GRM7: variants seen among roughly 807,000 people sequenced by gnomAD.
GRM7 encodes the protein metabotropic glutamate receptor 7.
A neutral mutation model predicts 84.5 loss-of-function variants in GRM7; 35 were observed. The observed-to-expected ratio is 0.41, with a 90% CI of 0.32 to 0.55. The LOEUF (loss-of-function observed/expected upper bound fraction) is 0.55. GRM7 is among the 20% of genes least tolerant of loss of function. The pLI, the probability that GRM7 is intolerant of heterozygous loss-of-function variation, is 0.19. For missense variants in GRM7, 1,003 were observed against 1,194.6 expected (o/e 0.84, Z 2.36); for synonymous variants, 487 against 455.1 (o/e 1.07, Z -0.89).
chr3:6,965,112 C>T (rs1693464183), intron 1 of GRM7, among the ~76,000 whole-genome samples: 2 of 151,912 alleles, frequency 1.3e-5, no homozygotes, highest in Admixed American at 1.3e-4. Context: ...CTCTGGTACT[C>T]AGAAATAAAT....
chr3:7,640,046 C>A (rs1698293530), intron 8 of GRM7, among the ~76,000 whole-genome samples: 2 of 152,140 alleles, frequency 1.3e-5, no homozygotes, highest in African/African-American at 4.8e-5. Flanking sequence ...TCCTGAAATG[C>A]TTTGTTTCCA....
At position 7,298,701 on chromosome 3, in the gene GRM7, C is replaced by T. The variant is rs1454095229; in HGVS notation, c.754C>T (p.Gln252Ter). Residue 252 changes from glutamine (Q) to a stop codon, truncating the protein, a stop_gained, in exon 3 of 10, where the codon CAG becomes TAG. Coordinates refer to ENST00000357716, the MANE Select transcript of GRM7 (RefSeq NM_000844.4). LOFTEE classifies it high-confidence loss of function. ...SKEAGGLCIAQSVRIPQERKD... is the reference protein window; with the variant it reads ...SKEAGGLCIA ...TTAAACAGGTGGACTCTGCATTGCC[C>T]AGTCCGTGAGAATCCCCCAGGAACG... is the stretch of plus-strand genomic sequence containing the variant. 6.2e-7 allele frequency: 1 copy of T among 1,613,252 alleles called. No homozygotes were observed. Among genetic ancestry groups the T allele is most frequent in the African/African-American group, 1.3e-5 (1 of 75,016 alleles).
chr3:7,259,862 G>A (rs186894990), intron 2 of GRM7, among the ~76,000 whole-genome samples: 1 of 150,790 alleles, frequency 6.6e-6, no homozygotes, highest in African/African-American at 2.4e-5. Context: ...TGGAGGAATC[G>A]CCACACTGCG....
chr3:7,590,981 A>C (rs1695756136), intron 8 of GRM7, among the ~76,000 whole-genome samples: 1 of 152,172 alleles, frequency 6.6e-6, no homozygotes, highest in African/African-American at 2.4e-5. Flanking sequence ...GGTACCTAGT[A>C]AGTGCTCAAT....
At chr3:7,224,259 A>T (rs1353961757) in intron 2 of GRM7, among the ~76,000 whole-genome samples, 1 of 152,188 alleles carries the variant, frequency 6.6e-6, no homozygotes, top group Non-Finnish European at 1.5e-5. Flanking sequence ...ATATTACATG[A>T]CCAGAGTCAG....
At chr3:7,457,766 G>A (rs1698078388) in intron 6 of GRM7, among the ~76,000 whole-genome samples, 1 of 152,140 alleles carries the variant, frequency 6.6e-6, no homozygotes, top group Non-Finnish European at 1.5e-5. Context: ...CTACCATGCT[G>A]GGAAGAAGCT....
At chr3:6,898,728 A>T (rs1420470370) in intron 1 of GRM7, among the ~76,000 whole-genome samples, 3 of 151,536 alleles carry the variant, frequency 2.0e-5, no homozygotes, top group Admixed American at 2.0e-4. Flanking sequence ...CCTCCCAGCT[A>T]CTCTGGAGGC....
chr3:6,894,003 C>A (rs548932631), intron 1 of GRM7: 1 of 152,108 alleles, frequency 6.6e-6, no homozygotes, highest in Non-Finnish European at 1.5e-5. Context: ...CGGTAAATGT[C>A]AGTCTTGAGT....
intron 1 of GRM7, among the ~76,000 whole-genome samples, chr3:7,004,850 T>C (rs1268744652): frequency 6.6e-6 from 1 of 152,068 alleles, no homozygotes; most frequent in Non-Finnish European, 1.5e-5. Flanking sequence ...CTTGGATGAC[T>C]CCAAAAAAGC....
At chr3:7,408,856 C>G (rs547004998) in intron 4 of GRM7, among the ~76,000 whole-genome samples, 1 of 152,284 alleles carries the variant, frequency 6.6e-6, no homozygotes, top group South Asian at 2.1e-4. Flanking sequence ...GCAGTGCTTC[C>G]TCATATTTCT....
chr3:7,416,014 G>A (rs1387826208), intron 5 of GRM7, among the ~76,000 whole-genome samples: 1 of 152,124 alleles, frequency 6.6e-6, no homozygotes, highest in African/African-American at 2.4e-5. Context: ...TGAAGAAATG[G>A]ACATTGGCTG....
intron 2 of GRM7, among the ~76,000 whole-genome samples, chr3:7,182,342 T>C (rs1395657179): frequency 1.3e-5 from 2 of 152,196 alleles, no homozygotes; most frequent in African/African-American, 4.8e-5. Context: ...GCTCTGTAAT[T>C]AGCTATTTTG....
rs112036006 is a variant in GRM7, at chr3:7,589,389, G to C, written c.2451+10032G>C. ...AATCTTTACTGAGTGGACTGCATAG[G>C]GATAAGTGTTTTATAAGGCCTTGGA... On this transcript the variant is annotated intron_variant, in intron 8 of 9. Transcript: ENST00000357716. Among the ~76,000 whole-genome samples the C allele has an allele frequency of 3.6e-3, 549 of 152,228 alleles. 4 individuals carry two copies. Among genetic ancestry groups the C allele is most frequent in the African/African-American group, 0.012 (508 of 41,536 alleles).
intron 2 of GRM7, among the ~76,000 whole-genome samples, chr3:7,240,603 C>T (rs963848711): frequency 5.9e-5 from 9 of 152,048 alleles, no homozygotes; most frequent in African/African-American, 2.2e-4. Context: ...TATTCATCTC[C>T]CATTTTTAAT....
chr3:7,403,152 C>G, intron 4 of GRM7: 1 of 446,002 alleles, frequency 2.2e-6, no homozygotes, highest in Middle Eastern at 3.3e-4. Context: ...GTTTGTCTGG[C>G]TTTCTTTCTG....
At chr3:7,195,252 G>A (rs901734292) in intron 2 of GRM7, among the ~76,000 whole-genome samples, 2 of 152,076 alleles carry the variant, frequency 1.3e-5, no homozygotes, top group Admixed American at 1.3e-4. Context: ...TCTTGAGAAG[G>A]ATTCTGACTT....
At chr3:7,389,072 TTG>T (rs371905737) in intron 4 of GRM7, among the ~76,000 whole-genome samples, 33 of 152,166 alleles carry the variant, frequency 2.2e-4, no homozygotes, top group African/African-American at 7.9e-4. Flanking sequence ...TTTCAGTGTG[TTG>T]TGTTTCTATT....
intron 2 of GRM7, among the ~76,000 whole-genome samples, chr3:7,290,663 T>C (rs1484136278): frequency 6.6e-6 from 1 of 152,292 alleles, no homozygotes; most frequent in Admixed American, 6.5e-5. Context: ...GGAAGTCTTG[T>C]GTACTTCCAC....
At chr3:7,444,496 T>A (rs1423957823) in intron 5 of GRM7, among the ~76,000 whole-genome samples, 1 of 152,242 alleles carries the variant, frequency 6.6e-6, no homozygotes, top group Non-Finnish European at 1.5e-5. Context: ...AGTTTTCTTA[T>A]GTCAGTTTTA....
Sources: gnomAD v4.1 joint callset for allele counts (sites outside exome capture counted in the v4.1 genomes callset) on GRCh38, gnomAD v4.1.1 for gene constraint, MANE v1.5 for transcripts, NCBI Gene and HGNC (gene_info 2026-07-23, HGNC 2026-07-21) for gene names.